NRXN3: variants seen among roughly 807,000 people sequenced by gnomAD.
NRXN3 encodes neurexin 3.
NRXN3 carries 32 observed loss-of-function variants against 137.6 expected under a neutral mutation model. The observed-to-expected ratio is 0.23, with a 90% CI of 0.18 to 0.31. The LOEUF is 0.31. Ranked by LOEUF, NRXN3 falls within the 10% of genes least tolerant of loss-of-function variation. NRXN3 has a pLI of 1.00. For missense variants in NRXN3, 1,574 were observed against 2,062.5 expected (o/e 0.76, Z 4.59); for synonymous variants, 798 against 784.5 (o/e 1.02, Z -0.29).
chr14:79,689,413 G>A (rs1242651670), intron 17 of NRXN3, among the ~76,000 whole-genome samples: 4 of 152,008 alleles, frequency 2.6e-5, no homozygotes, highest in African/African-American at 7.2e-5. Flanking sequence ...ACTAATGTTT[G>A]AGATAAATTA....
chr14:78,718,008 C>T (rs891834260), intron 8 of NRXN3, among the ~76,000 whole-genome samples: 6 of 152,118 alleles, frequency 3.9e-5, no homozygotes, highest in African/African-American at 1.4e-4. Flanking sequence ...CCACTCTAGG[C>T]ACTTCTGAAG....
chr14:78,919,463 G>T (rs138032728), intron 10 of NRXN3, among the ~76,000 whole-genome samples: 310 of 152,236 alleles, frequency 2.0e-3, no homozygotes, highest in African/African-American at 6.9e-3. Context: ...TGGAGTTTAG[G>T]TAAATATTTT....
intron 15 of NRXN3, among the ~76,000 whole-genome samples, chr14:79,384,208 T>G (rs1013489369): frequency 6.6e-6 from 1 of 152,114 alleles, no homozygotes; most frequent in African/African-American, 2.4e-5. Flanking sequence ...ATTAATCATC[T>G]GCCCTTTAAG....
At chr14:78,292,569 G>A (rs1374454573) in intron 3 of NRXN3, among the ~76,000 whole-genome samples, 1 of 152,120 alleles carries the variant, frequency 6.6e-6, no homozygotes. Context: ...GACATCAAAC[G>A]GGAGACACTT....
chr14:78,329,489 C>G (rs1284768761), intron 4 of NRXN3, among the ~76,000 whole-genome samples: 1 of 152,126 alleles, frequency 6.6e-6, no homozygotes, highest in Non-Finnish European at 1.5e-5. Flanking sequence ...CCCTCCTGCT[C>G]CTATCTAATT....
chr14:78,675,027 A>C, intron 6 of NRXN3, among the ~76,000 whole-genome samples: 1 of 152,316 alleles, frequency 6.6e-6, no homozygotes, highest in East Asian at 1.9e-4. Flanking sequence ...GTGTAGGGTG[A>C]TAAAGAACTA....
chr14:79,683,096 A>T (rs1265986759), intron 17 of NRXN3, among the ~76,000 whole-genome samples: 2 of 152,162 alleles, frequency 1.3e-5, no homozygotes, highest in African/African-American at 4.8e-5. Context: ...TGCTTAAGGA[A>T]CTTGAATTCT....
chr14:79,686,335 C>T (rs754205144), intron 17 of NRXN3, among the ~76,000 whole-genome samples: 2 of 152,042 alleles, frequency 1.3e-5, no homozygotes, highest in South Asian at 2.1e-4. Context: ...ATGCAAATAT[C>T]GAGACTGAAA....
At chr14:78,908,163 G>A (rs1385677779) in intron 10 of NRXN3, among the ~76,000 whole-genome samples, 1 of 152,044 alleles carries the variant, frequency 6.6e-6, no homozygotes, top group Non-Finnish European at 1.5e-5. Flanking sequence ...CTGCTAGCAT[G>A]TCTTTGTTAA....
At chr14:78,441,469 C>A (rs559029532) in intron 4 of NRXN3, among the ~76,000 whole-genome samples, 1 of 152,300 alleles carries the variant, frequency 6.6e-6, no homozygotes, top group African/African-American at 2.4e-5. Flanking sequence ...GAAGACTTGA[C>A]CTTGCTTTCT....
chr14:79,139,150 T>C (rs1444245990), intron 15 of NRXN3, among the ~76,000 whole-genome samples: 1 of 152,252 alleles, frequency 6.6e-6, no homozygotes, highest in Non-Finnish European at 1.5e-5. Flanking sequence ...CATTGGAGCA[T>C]TTTAAGTGTC....
At chr14:79,472,894 G>A (rs554124447) in intron 16 of NRXN3, among the ~76,000 whole-genome samples, 4 of 152,254 alleles carry the variant, frequency 2.6e-5, no homozygotes, top group African/African-American at 9.6e-5. Flanking sequence ...AAAATAGAAG[G>A]TCGGGGAGAA....
intron 15 of NRXN3, among the ~76,000 whole-genome samples, chr14:79,335,555 T>C (rs1478573743): frequency 1.3e-5 from 2 of 152,080 alleles, no homozygotes; most frequent in African/African-American, 4.8e-5. Context: ...GTGAGAAAGC[T>C]GTCCTAGAAT....
At chr14:79,391,364 A>G (rs1414672710) in intron 15 of NRXN3, among the ~76,000 whole-genome samples, 1 of 152,124 alleles carries the variant, frequency 6.6e-6, no homozygotes, top group African/African-American at 2.4e-5. Context: ...TCTGCCATTT[A>G]CTGGGATGGG....
intron 2 of NRXN3, among the ~76,000 whole-genome samples, chr14:78,261,676 T>C (rs1454821747): frequency 1.3e-5 from 2 of 152,138 alleles, no homozygotes; most frequent in African/African-American, 4.8e-5. Context: ...CTTTACCCCT[T>C]CCCCCTCTTA....
rs1169335356 is a variant in NRXN3, at chr14:79,864,109, T to C, written c.*2145T>C. The C allele has an allele frequency of 6.6e-6, 1 of 152,660 alleles. No individual in the cohort carries two copies. Among genetic ancestry groups the C allele is most frequent in the East Asian group, 1.9e-4 (1 of 5,198 alleles). 9.5% of individuals were successfully genotyped at this position (152,660 alleles called of 1,614,324 possible). On this transcript the variant is annotated 3_prime_UTR_variant, in exon 21 of 21. Transcript: ENST00000335750. ...ATACGAAGTTGATTATATCTCGATGTCTGTAAAAGATTGCTGTTCTTGGAG... is the reference window on the plus strand; with the variant it reads ...ATACGAAGTTGATTATATCTCGATGCCTGTAAAAGATTGCTGTTCTTGGAG...
intron 15 of NRXN3, among the ~76,000 whole-genome samples, chr14:79,179,378 T>A (rs1453879419): frequency 6.6e-6 from 1 of 152,180 alleles, no homozygotes; most frequent in Non-Finnish European, 1.5e-5. Context: ...ACACACAGTT[T>A]GAGCTGTATT....
At chr14:79,559,823 T>C (rs1324411934) in intron 16 of NRXN3, among the ~76,000 whole-genome samples, 1 of 152,176 alleles carries the variant, frequency 6.6e-6, no homozygotes, top group African/African-American at 2.4e-5. Flanking sequence ...ATAAATTGTT[T>C]GCCTAAGCCT....
At chr14:79,418,875 A>G (rs2095535363) in intron 15 of NRXN3, among the ~76,000 whole-genome samples, 2 of 152,146 alleles carry the variant, frequency 1.3e-5, no homozygotes, top group Non-Finnish European at 2.9e-5. Context: ...CAGTTACTGG[A>G]GAGTCATCCC....
Sources: gnomAD v4.1 joint callset for allele counts (sites outside exome capture counted in the v4.1 genomes callset) on GRCh38, gnomAD v4.1.1 for gene constraint, MANE v1.5 for transcripts, NCBI Gene and HGNC (gene_info 2026-07-23, HGNC 2026-07-21) for gene names.